Variants in KIF6 observed in about 807,000 individuals in gnomAD.
KIF6 encodes the protein kinesin family member 6.
A neutral mutation model predicts 112.7 loss-of-function variants in KIF6; 106 were observed. The observed-to-expected ratio is 0.94, with a 90% CI of 0.80 to 1.11. The LOEUF (loss-of-function observed/expected upper bound fraction) is 1.11. Ranked by LOEUF, KIF6 falls within the 50% of genes least tolerant of loss-of-function variation. The probability of loss-of-function intolerance (pLI) is 0.00; values close to 1 mark genes in which losing one functional copy is unlikely to be tolerated. For missense variants in KIF6, 929 were observed against 964.0 expected, an observed-to-expected ratio of 0.96 and a Z score of 0.48; for synonymous variants, 339 against 339.9, an observed-to-expected ratio of 1.00 and a Z score of 0.03.
At chr6:39,544,023 T>A (rs1323812633) in intron 12 of KIF6, among the ~76,000 whole-genome samples, 3 of 152,248 alleles carry the variant, frequency 2.0e-5, no homozygotes, top group Non-Finnish European at 2.9e-5. Context: ...AAGCAGTAGA[T>A]CTGGCTTTTA....
chr6:39,504,260 C>T (rs1052804833), intron 13 of KIF6, among the ~76,000 whole-genome samples: 4 of 151,998 alleles, frequency 2.6e-5, no homozygotes, highest in Admixed American at 6.6e-5. Flanking sequence ...AAAAATCATA[C>T]GATTATCTCA....
In KIF6 at chr6:39,681,348, T is replaced by G. The variant is rs981429063; in HGVS notation, c.251+33344A>C. Among the ~76,000 whole-genome samples, 11 of 152,332 alleles carry G rather than the reference T, an allele frequency of 7.2e-5. No homozygotes were observed. The Middle Eastern group carries it at 0.01, about 141-fold the overall frequency. ...CAAATAGTTCACTATAGGAACTGTA[T>G]TCTGTTTTGTTTTGTTTCATTTTCT... On this transcript the variant is annotated intron_variant, in intron 3 of 22. Transcript: ENST00000287152.
Position 39,330,998 on chromosome 6 carries a change from G to A in KIF6, c.*5534C>T, listed in dbSNP as rs1762717578. 1 of 152,334 alleles carries A rather than the reference G, an allele frequency of 6.6e-6. No homozygotes were observed. The highest frequency in any genetic ancestry group is 1.5e-5 in the Non-Finnish European group (1 of 68,118). The allele number at this position is 152,334 out of a possible 1,614,324, so 9.4% of individuals were successfully genotyped here. On this transcript the variant is annotated 3_prime_UTR_variant, in exon 23 of 23. Coordinates refer to ENST00000287152, the MANE Select transcript of KIF6 (RefSeq NM_145027.6). Reference sequence around the variant, plus strand: ...GCTCACATGGCCCAAATCCCCACAAGTCCCCTTTTTGCCAAGCTCCACGTC... The same window carrying A: ...GCTCACATGGCCCAAATCCCCACAAATCCCCTTTTTGCCAAGCTCCACGTC...
At chr6:39,671,750 T>C (rs1275759154) in intron 3 of KIF6, among the ~76,000 whole-genome samples, 1 of 152,262 alleles carries the variant, frequency 6.6e-6, no homozygotes, top group East Asian at 1.9e-4. Flanking sequence ...TCAAATTATG[T>C]CATTTCATTC....
chr6:39,706,537 T>G (rs1789222120), intron 3 of KIF6, among the ~76,000 whole-genome samples: 1 of 152,232 alleles, frequency 6.6e-6, no homozygotes, highest in Non-Finnish European at 1.5e-5. Context: ...TGTTCTCAGT[T>G]GAAAATGTAA....
intron 13 of KIF6, among the ~76,000 whole-genome samples, chr6:39,518,974 T>C (rs568934301): frequency 3.9e-5 from 6 of 152,226 alleles, no homozygotes; most frequent in African/African-American, 1.4e-4. Context: ...AACTACAGGG[T>C]GAAACATTAA....
At chr6:39,340,951 C>T (rs889078188) in intron 22 of KIF6, among the ~76,000 whole-genome samples, 1 of 152,142 alleles carries the variant, frequency 6.6e-6, no homozygotes, top group African/African-American at 2.4e-5. Context: ...CCAAGCCTTC[C>T]TCCACTTGTG....
At chr6:39,381,025 C>A (rs9394587) in intron 16 of KIF6, among the ~76,000 whole-genome samples, 61,790 of 152,070 alleles carry the variant, frequency 0.41, 14,440 homozygotes, top group East Asian at 0.57. Flanking sequence ...CTCAGCACAC[C>A]ACTGGGAATG....
intron 13 of KIF6, among the ~76,000 whole-genome samples, chr6:39,467,450 CAT>C (rs1326046913): frequency 2.6e-5 from 4 of 151,710 alleles, no homozygotes; most frequent in African/African-American, 9.7e-5. Flanking sequence ...AATATTTACA[CAT>C]GATATCAACA....
chr6:39,536,745 G>T (rs1176858836), intron 13 of KIF6, among the ~76,000 whole-genome samples: 5 of 151,558 alleles, frequency 3.3e-5, no homozygotes, highest in Non-Finnish European at 5.9e-5. Flanking sequence ...TACCAAAGCC[G>T]GGCAGAGACA....
intron 14 of KIF6, among the ~76,000 whole-genome samples, chr6:39,429,655 A>G (rs1017980480): frequency 2.0e-5 from 3 of 152,296 alleles, no homozygotes; most frequent in East Asian, 3.9e-4. Context: ...CATGCCTGTA[A>G]TCCCAGCACT....
chr6:39,664,710 T>G (rs1470380957), intron 3 of KIF6, among the ~76,000 whole-genome samples: 3 of 152,164 alleles, frequency 2.0e-5, no homozygotes, highest in African/African-American at 7.2e-5. Flanking sequence ...AGACGCTTTT[T>G]TGCATCCTTT....
At chr6:39,667,342 T>C (rs1786538797) in intron 3 of KIF6, among the ~76,000 whole-genome samples, 1 of 152,158 alleles carries the variant, frequency 6.6e-6, no homozygotes, top group African/African-American at 2.4e-5. Context: ...CCTGGAGTTC[T>C]GACGTTTAAG....
chr6:39,351,623 T>A (rs9968952), intron 19 of KIF6, among the ~76,000 whole-genome samples: 8,115 of 151,170 alleles, frequency 0.054, 266 homozygotes, highest in African/African-American at 0.059. Context: ...TCTCTCTCTC[T>A]CACACACACA....
intron 5 of KIF6, among the ~76,000 whole-genome samples, chr6:39,619,778 T>G (rs948858563): frequency 6.6e-6 from 1 of 152,214 alleles, no homozygotes; most frequent in Non-Finnish European, 1.5e-5. Flanking sequence ...ACTCATTTAT[T>G]TATTAGTCAC....
chr6:39,471,880 C>T (rs1015886604), intron 13 of KIF6, among the ~76,000 whole-genome samples: 7 of 152,172 alleles, frequency 4.6e-5, no homozygotes, highest in Non-Finnish European at 8.8e-5. Context: ...ATTGTAAATA[C>T]ATGTCCCTTA....
intron 13 of KIF6, among the ~76,000 whole-genome samples, chr6:39,481,046 A>C (rs1369058773): frequency 1.3e-5 from 2 of 151,654 alleles, no homozygotes; most frequent in Non-Finnish European, 2.9e-5. Context: ...TTTTTCTTTC[A>C]ATTTCATTTA....
At chr6:39,603,764 G>A (rs1206076931) in intron 6 of KIF6, among the ~76,000 whole-genome samples, 2 of 152,024 alleles carry the variant, frequency 1.3e-5, no homozygotes, top group Non-Finnish European at 2.9e-5. Flanking sequence ...ATTATAGACA[G>A]TTAATGCAGC....
At chr6:39,453,818 A>C (rs1289024635) in intron 13 of KIF6, among the ~76,000 whole-genome samples, 1 of 152,184 alleles carries the variant, frequency 6.6e-6, no homozygotes, top group Non-Finnish European at 1.5e-5. Flanking sequence ...GAGGTATTTA[A>C]AAATATTCCT....
Sources: allele counts gnomAD v4.1 joint callset (sites outside exome capture counted in the v4.1 genomes callset), GRCh38; gene constraint gnomAD v4.1.1; transcripts MANE v1.5; gene names NCBI Gene and HGNC (gene_info 2026-07-23, HGNC 2026-07-21).